The following TLE4 variants were observed in gnomAD, a reference collection of about 807,000 sequenced individuals.
TLE4 encodes TLE family member 4, transcriptional corepressor, also known as transducin-like enhancer protein 4.
Under a neutral mutation model 92.8 loss-of-function variants are expected in TLE4, and 8 were observed. That is an observed-to-expected ratio of 0.09 (90% CI 0.05 to 0.16). The LOEUF is 0.16. Among genes scored for constraint, TLE4 ranks in the 10% least tolerant of loss-of-function variants. The pLI, the probability that TLE4 is intolerant of heterozygous loss-of-function variation, is 1.00. For missense variants in TLE4, 675 were observed against 997.6 expected (o/e 0.68, Z 4.36); for synonymous variants, 371 against 374.1 (o/e 0.99, Z 0.10).
rs576330695 is a variant in TLE4, at chr9:79,616,446, A to G, written c.315+3728A>G. On this transcript the variant is annotated intron_variant, in intron 5 of 19. Coordinates refer to ENST00000376552, the MANE Select transcript of TLE4 (RefSeq NM_007005.6). Reference sequence around the variant, plus strand: ...GTTGACTAGTGGGATTAACTACAGTAGCAGCAGTGGAGCTCTGTCTCCTCT... The same window carrying G: ...GTTGACTAGTGGGATTAACTACAGTGGCAGCAGTGGAGCTCTGTCTCCTCT... Among the ~76,000 whole-genome samples the G allele has an allele frequency of 1.6e-3, 244 of 152,308 alleles. 1 individual carries two copies. Among genetic ancestry groups the G allele is most frequent in the African/African-American group, 5.5e-3 (229 of 41,578 alleles).
At chr9:79,584,377 A>G (rs1471451610) in intron 4 of TLE4, among the ~76,000 whole-genome samples, 2 of 152,170 alleles carry the variant, frequency 1.3e-5, no homozygotes, top group Non-Finnish European at 2.9e-5. Context: ...AGGATCAGCA[A>G]TATTGAAATA....
At chr9:79,588,635 A>G (rs541476911) in intron 4 of TLE4, among the ~76,000 whole-genome samples, 5 of 152,236 alleles carry the variant, frequency 3.3e-5, no homozygotes, top group Admixed American at 2.0e-4. Context: ...CCGTGGCTGG[A>G]TAACCACAGG....
intron 8 of TLE4, among the ~76,000 whole-genome samples, chr9:79,670,353 T>C (rs2062098439): frequency 1.3e-5 from 2 of 151,950 alleles, no homozygotes; most frequent in African/African-American, 4.8e-5. Context: ...GGCTCACAAA[T>C]GAAAAGAATG....
chr9:79,628,558 C>A (rs2053292403), intron 6 of TLE4, among the ~76,000 whole-genome samples: 2 of 150,984 alleles, frequency 1.3e-5, no homozygotes, highest in East Asian at 3.9e-4. Flanking sequence ...GTATTTGGAG[C>A]TCTATTTTAT....
chr9:79,717,653 CTG>C (rs1176504394), intron 14 of TLE4, among the ~76,000 whole-genome samples: 1 of 152,194 alleles, frequency 6.6e-6, no homozygotes, highest in South Asian at 2.1e-4. Context: ...GAACGATAAA[CTG>C]TTTTAATTTA....
At chr9:79,627,741 C>CAA (rs1175354547) in intron 6 of TLE4, 295 of 269,354 alleles carry the variant, frequency 1.1e-3, no homozygotes, top group African/African-American at 5.3e-3. Context: ...TAACCTAGGC[C>CAA]AAAAAAAAAA....
chr9:79,608,835 T>C (rs558502521), intron 4 of TLE4, among the ~76,000 whole-genome samples: 1 of 152,132 alleles, frequency 6.6e-6, no homozygotes, highest in Non-Finnish European at 1.5e-5. Context: ...AAGCTATTGG[T>C]ACTTTCACCC....
At chr9:79,579,640 G>A (rs745628341) in intron 4 of TLE4, among the ~76,000 whole-genome samples, 7 of 152,052 alleles carry the variant, frequency 4.6e-5, no homozygotes, top group Non-Finnish European at 7.4e-5. Context: ...TGTTTTATGT[G>A]TGTATTTTTA....
At chr9:79,641,528 A>G (rs2057145095) in intron 6 of TLE4, among the ~76,000 whole-genome samples, 1 of 152,156 alleles carries the variant, frequency 6.6e-6, no homozygotes, top group Non-Finnish European at 1.5e-5. Context: ...CTGGATTCTC[A>G]CTAGGCTTCC....
Position 79,697,727 on chromosome 9 carries a change from C to T in TLE4, c.610-7056C>T, listed in dbSNP as rs147335500. Among the ~76,000 whole-genome samples the T allele has an allele frequency of 3.2e-4, 48 of 151,634 alleles. No individual in the cohort carries two copies. The East Asian group carries it at 5.4e-3, about 17-fold the overall frequency. ...ATTGATATCTTATAAATTATTAGAG[C>T]GTTTTATACTGACCAAGCAATACAT... On this transcript the variant is annotated intron_variant, in intron 8 of 19. Transcript: ENST00000376552.
chr9:79,647,655 T>G (rs1371294216), intron 6 of TLE4, among the ~76,000 whole-genome samples: 1 of 152,194 alleles, frequency 6.6e-6, no homozygotes, highest in Non-Finnish European at 1.5e-5. Flanking sequence ...GTTGGTAATC[T>G]GTTTGCATAC....
intron 10 of TLE4, 53 bp downstream of exon 10, chr9:79,705,995 T>C (rs2071454677): frequency 6.6e-7 from 1 of 1,522,812 alleles, no homozygotes; most frequent in Admixed American, 1.7e-5. Context: ...TATCAAAGAC[T>C]AGTTGCCCAA....
chr9:79,720,108 A>T lies in TLE4; in HGVS notation c.1653A>T (p.Gly551=), dbSNP rs751880741. 6.2e-7 allele frequency: 1 copy of T among 1,613,880 alleles called. No individual in the cohort carries two copies. The highest frequency in any genetic ancestry group is 8.5e-7 in the Non-Finnish European group (1 of 1,179,982). ...LLPDGRTLIV[G]GEASTLSIWD... ...CTGATGGTCGCACCCTAATTGTTGG[A>T]GGGGAAGCCAGTACTTTGTCCATTT... The change falls in exon 16 of 20, where the codon GGA becomes GGT. Residue 551 remains glycine (G), a synonymous_variant. Transcript: ENST00000376552.
chr9:79,585,699 C>A (rs1442224344), intron 4 of TLE4, among the ~76,000 whole-genome samples: 2 of 151,760 alleles, frequency 1.3e-5, no homozygotes, highest in Admixed American at 6.6e-5. Context: ...TCTTTTAGCA[C>A]TTATTTTCAG....
intron 4 of TLE4, among the ~76,000 whole-genome samples, chr9:79,580,754 A>T (rs530043851): frequency 2.0e-5 from 3 of 151,892 alleles, no homozygotes; most frequent in Non-Finnish European, 2.9e-5. Flanking sequence ...GAACTCTTGT[A>T]TAATAATGAG....
intron 8 of TLE4, among the ~76,000 whole-genome samples, chr9:79,667,589 G>A (rs1230251476): frequency 6.6e-6 from 1 of 152,096 alleles, no homozygotes; most frequent in African/African-American, 2.4e-5. Flanking sequence ...TCTGTTTACG[G>A]ATGTGTATGT....
intron 8 of TLE4, among the ~76,000 whole-genome samples, chr9:79,669,105 T>C (rs1434683702): frequency 6.6e-6 from 1 of 152,190 alleles, no homozygotes; most frequent in Non-Finnish European, 1.5e-5. Flanking sequence ...TGGCTTAGGA[T>C]TGTATGCATA....
intron 8 of TLE4, among the ~76,000 whole-genome samples, chr9:79,673,833 A>G (rs1370661436): frequency 6.6e-6 from 1 of 152,168 alleles, no homozygotes; most frequent in Non-Finnish European, 1.5e-5. Flanking sequence ...AATAGAGTAG[A>G]TGGCCATTGC....
chr9:79,707,139 A>C, intron 11 of TLE4: 1 of 1,613,030 alleles, frequency 6.2e-7, no homozygotes, highest in Non-Finnish European at 8.5e-7. Context: ...GATATGGGGA[A>C]ATTGAGTGAA....
Sources: allele counts gnomAD v4.1 joint callset (sites outside exome capture counted in the v4.1 genomes callset), GRCh38; gene constraint gnomAD v4.1.1; transcripts MANE v1.5; gene names NCBI Gene and HGNC (gene_info 2026-07-23, HGNC 2026-07-21).